The following DNAJA3 variants were observed in gnomAD, a reference collection of about 807,000 sequenced individuals.
DNAJA3 encodes the protein DnaJ heat shock protein family (Hsp40) member A3, also known as dnaJ homolog subfamily A member 3, mitochondrial.
DNAJA3 carries 29 observed loss-of-function variants against 54.9 expected under a neutral mutation model. That is an observed-to-expected ratio of 0.53 (90% confidence interval 0.39 to 0.72). The LOEUF (loss-of-function observed/expected upper bound fraction) is 0.72. Among genes scored for constraint, DNAJA3 ranks in the 30% least tolerant of loss-of-function variants. The pLI, the probability that DNAJA3 is intolerant of heterozygous loss-of-function variation, is 0.00. For synonymous variants in DNAJA3, 302 were observed against 251.4 expected (o/e 1.20, Z -1.90); for missense variants, 708 against 639.4 (o/e 1.11, Z -1.16).
rs148468762 is a variant in DNAJA3 at position 4,446,430 on chromosome 16, G to C, written c.997-456G>C. Among the ~76,000 whole-genome samples, 75 of 150,698 alleles carry C rather than the reference G, an allele frequency of 5.0e-4. 1 individual carries two copies. Among genetic ancestry groups the C allele is most frequent in the African/African-American group, 1.7e-3 (70 of 40,988 alleles). ...GGTTAATTTTTGTATTTTTAGTAGA[G>C]ACAAGGTTTCACCATGTTGGTCAGT... On this transcript the variant is annotated intron_variant, in intron 7 of 11. Coordinates refer to ENST00000262375, the MANE Select transcript of DNAJA3 (RefSeq NM_005147.6).
intron 2 of DNAJA3, among the ~76,000 whole-genome samples, chr16:4,435,256 G>C (rs764678762): frequency 6.6e-6 from 1 of 152,014 alleles, no homozygotes; most frequent in South Asian, 2.1e-4. Context: ...TATTAGGGTA[G>C]TTAGGGTAGC....
At chr16:4,442,834 G>A (rs2056853254) in intron 5 of DNAJA3, 183 bp from the exon 6 acceptor site, 4 of 644,756 alleles carry the variant, frequency 6.2e-6, no homozygotes, top group East Asian at 2.8e-5. Context: ...AAGTTTGTGT[G>A]TTCTAGAAAA....
chr16:4,453,307 G>A (rs1438112622), intron 10 of DNAJA3, among the ~76,000 whole-genome samples: 1 of 152,162 alleles, frequency 6.6e-6, no homozygotes, highest in Non-Finnish European at 1.5e-5. Flanking sequence ...ACCATGGTGT[G>A]CTTAGAGACT....
chr16:4,436,939 T>G (rs1329050009), intron 2 of DNAJA3, among the ~76,000 whole-genome samples: 2 of 152,076 alleles, frequency 1.3e-5, no homozygotes, highest in African/African-American at 4.8e-5. Context: ...GCCCTCAAGT[T>G]AAGAGATGGA....
chr16:4,444,340 C>CTTTTTTTTTTTTTTTTTTT (rs2056875879), intron 6 of DNAJA3, among the ~76,000 whole-genome samples: 1 of 146,808 alleles, frequency 6.8e-6, no homozygotes, highest in Non-Finnish European at 1.5e-5. Flanking sequence ...TTTTCTTTTT[C>CTTTTTTTTTTTTTTTTTTT]TTTTCTTTTT....
intron 3 of DNAJA3, 73 bp from the exon 4 acceptor site, chr16:4,441,302 G>C (rs1310648157): frequency 7.2e-7 from 1 of 1,387,056 alleles, no homozygotes; most frequent in Non-Finnish European, 1.0e-6. Context: ...TGCCTTATTT[G>C]CTGTGAACTC....
At position 4,448,860 on chromosome 16, in the gene DNAJA3, C is replaced by G. The variant is rs1184876389; in HGVS notation, c.1241+12C>G. ...ATACGAGTTCCAAAGTAAGTGCCCC[C>G]TAGGCTGTGGCCAAGCCCGCCTGGT... On this transcript the variant is annotated intron_variant, in intron 9 of 11. Transcript: ENST00000262375. The G allele has an allele frequency of 3.1e-6, 5 of 1,606,852 alleles. No individual in the cohort carries two copies. The African/African-American group carries it at 6.7e-5, about 21-fold the overall frequency.
intron 10 of DNAJA3, among the ~76,000 whole-genome samples, chr16:4,453,523 C>T (rs760708558): frequency 7.9e-5 from 12 of 151,884 alleles, no homozygotes; most frequent in Non-Finnish European, 1.8e-4. Context: ...CTGCAACGCA[C>T]TCTGCCTCTT....
chr16:4,455,554 T>G lies in DNAJA3; in HGVS notation c.*22T>G. 1.9e-6 allele frequency: 3 copies of G among 1,551,724 alleles called. No homozygotes were observed. Among genetic ancestry groups the G allele is most frequent in the Non-Finnish European group, 2.6e-6 (3 of 1,146,972 alleles). ...CTATCTCTTTGGCTCAGGAAAAAGA[T>G]CCACTGGAAACTAGGCCGGGAAGCA... On this transcript the variant is annotated 3_prime_UTR_variant, in exon 12 of 12. Coordinates refer to ENST00000262375, the MANE Select transcript of DNAJA3 (RefSeq NM_005147.6).
rs1005843806 is a variant in DNAJA3 at position 4,426,046 on chromosome 16, C to G, written c.165C>G (p.Cys55Trp). The G allele has an allele frequency of 2.6e-5, 42 of 1,603,934 alleles. No individual in the cohort carries two copies. Among genetic ancestry groups the G allele is most frequent in the Non-Finnish European group, 3.5e-5 (41 of 1,175,936 alleles). The change falls in exon 1 of 12, where the codon TGC (cysteine) becomes TGG (tryptophan). Residue 55 changes from cysteine to tryptophan, a missense_variant. By Grantham distance (215) the Cys-to-Trp change is radical. Transcript: ENST00000262375. ...CCTTTGCGTCTTCCCTGACCTCTTG[C>G]GGCCCCCGAGCGCTGCTGACATTGA... The part of the protein sequence containing the change: ...VPAFASSLTS[C>W]GPRALLTLRP...
intron 1 of DNAJA3, among the ~76,000 whole-genome samples, chr16:4,428,204 G>T (rs534378870): frequency 8.8e-4 from 134 of 152,238 alleles, no homozygotes; most frequent in African/African-American, 3.2e-3. Context: ...ACCCGCCTCA[G>T]CCTCCCAAAG....
At chr16:4,441,174 C>T (rs192948174) in intron 3 of DNAJA3, 35 of 582,624 alleles carry the variant, frequency 6.0e-5, no homozygotes, top group East Asian at 4.8e-4. Context: ...AAGCACTTCA[C>T]GCCCTACACT....
chr16:4,449,751 A>T (rs1567334161), intron 9 of DNAJA3: 1 of 151,578 alleles, frequency 6.6e-6, no homozygotes, highest in African/African-American at 2.4e-5. Flanking sequence ...GTGGGTACCT[A>T]GGGCGGGACA....
intron 7 of DNAJA3, 44 bp from the exon 8 acceptor site, chr16:4,446,842 G>A: frequency 6.2e-7 from 1 of 1,609,062 alleles, no homozygotes. Context: ...TGTTTAGTCT[G>A]CAGTGGACTT....
chr16:4,443,777 C>T (rs1331080629), intron 6 of DNAJA3, among the ~76,000 whole-genome samples: 2 of 152,080 alleles, frequency 1.3e-5, no homozygotes, highest in Admixed American at 1.3e-4. Flanking sequence ...AGCTCTGCCT[C>T]CCAGGCTCAT....
chr16:4,447,134 C>A, intron 8 of DNAJA3, 120 bp downstream of exon 8: 1 of 1,205,966 alleles, frequency 8.3e-7, no homozygotes, highest in Admixed American at 2.7e-5. Flanking sequence ...GGGGCACTCA[C>A]AGGGGAGGAC....
intron 1 of DNAJA3, 100 bp from the exon 2 acceptor site, chr16:4,434,284 G>T: frequency 2.2e-6 from 3 of 1,353,644 alleles, no homozygotes; most frequent in Non-Finnish European, 3.1e-6. Flanking sequence ...TTATCAGTTT[G>T]TTTGTTCCTT....
intron 2 of DNAJA3, among the ~76,000 whole-genome samples, chr16:4,434,805 G>A (rs901886590): frequency 2.6e-5 from 4 of 151,228 alleles, no homozygotes; most frequent in African/African-American, 7.3e-5. Flanking sequence ...TGAATCAGTA[G>A]ATATGCTAGT....
At chr16:4,454,667 G>A in intron 10 of DNAJA3, 144 bp from the exon 11 acceptor site, 2 of 616,042 alleles carry the variant, frequency 3.2e-6, no homozygotes, top group Non-Finnish European at 5.8e-6. Flanking sequence ...CATCTTAGGA[G>A]TGGCCCCCAC....
Sources: gnomAD v4.1 joint callset for allele counts (sites outside exome capture counted in the v4.1 genomes callset) on GRCh38, gnomAD v4.1.1 for gene constraint, MANE v1.5 for transcripts, NCBI Gene and HGNC (gene_info 2026-07-23, HGNC 2026-07-21) for gene names.